FAM169A: variants seen among roughly 807,000 people sequenced by gnomAD.
The protein encoded by FAM169A is soluble lamin-associated protein of 75 kDa.
In FAM169A, 24 loss-of-function variants were observed where a neutral mutation model predicts 75.7. The observed-to-expected ratio is 0.32, with a 90% CI of 0.23 to 0.45. FAM169A has a LOEUF of 0.45. Among genes scored for constraint, FAM169A ranks in the 20% least tolerant of loss-of-function variants. The pLI, the probability that FAM169A is intolerant of heterozygous loss-of-function variation, is 1.00. For synonymous variants in FAM169A, 271 were observed against 271.0 expected, an observed-to-expected ratio of 1.00 and a Z score of 0.00; for missense variants, 673 against 784.0, an observed-to-expected ratio of 0.86 and a Z score of 1.69.
intron 11 of FAM169A, among the ~76,000 whole-genome samples, chr5:74,783,468 A>G (rs375705342): frequency 6.6e-6 from 1 of 152,202 alleles, no homozygotes; most frequent in East Asian, 1.9e-4. Context: ...GAGGGCAATC[A>G]GGGAAAGAAC....
At chr5:74,835,677 CTAATTAGTTCAGTGGATAGAG>C (rs1307685385) in intron 4 of FAM169A, among the ~76,000 whole-genome samples, 1 of 150,414 alleles carries the variant, frequency 6.6e-6, no homozygotes, top group Non-Finnish European at 1.5e-5. Flanking sequence ...AGTTCAGGCT[CTAATTAGTTCAGTGGATAGAG>C]AAAAGATTGA....
At chr5:74,821,183 G>C (rs530048528) in intron 5 of FAM169A, among the ~76,000 whole-genome samples, 3 of 152,314 alleles carry the variant, frequency 2.0e-5, no homozygotes, top group African/African-American at 7.2e-5. Flanking sequence ...TAAGAGGACA[G>C]AGCTTATAAA....
chr5:74,787,663 C>T (rs1745763097), intron 11 of FAM169A, among the ~76,000 whole-genome samples: 1 of 152,158 alleles, frequency 6.6e-6, no homozygotes, highest in Admixed American at 6.5e-5. Context: ...CAAGTGGGAG[C>T]ACTCAACCAT....
Position 74,839,131 on chromosome 5 carries a change from G to C in FAM169A, c.233-81C>G, listed in dbSNP as rs187148316. On this transcript the variant is annotated intron_variant, in intron 3 of 12. Transcript: ENST00000687041. Reference sequence around the variant, plus strand: ...TAATAAGGCCATATTGTACTATAAAGTATCCATATACTTTATATTTAAGAG... The same window carrying C: ...TAATAAGGCCATATTGTACTATAAACTATCCATATACTTTATATTTAAGAG... 1.5e-3 allele frequency: 1,377 copies of C among 947,490 alleles called. 16 individuals carry two copies. The African/African-American group carries it at 0.02, about 13-fold the overall frequency. 58.7% of individuals were successfully genotyped at this position (947,490 alleles called of 1,614,324 possible).
chr5:74,805,088 G>A (rs528193124), intron 7 of FAM169A, 68 bp downstream of exon 7: 3 of 1,382,196 alleles, frequency 2.2e-6, no homozygotes, highest in Admixed American at 1.7e-5. Context: ...CTGGACTTAT[G>A]GGCCAGCAAG....
At chr5:74,837,874 T>G (rs1184486524) in intron 4 of FAM169A, among the ~76,000 whole-genome samples, 2 of 152,078 alleles carry the variant, frequency 1.3e-5, no homozygotes, top group Non-Finnish European at 2.9e-5. Context: ...TCCTAGCACT[T>G]TGGGAGGCTG....
rs190857441 is a variant in FAM169A at position 74,831,948 on chromosome 5, T to C, written c.490+2478A>G. 2.0e-3 allele frequency among the ~76,000 whole-genome samples: 307 copies of C among 152,242 alleles called. 1 individual carries two copies. Among genetic ancestry groups the C allele is most frequent in the Middle Eastern group, 6.8e-3 (2 of 292 alleles). On this transcript the variant is annotated intron_variant, in intron 5 of 12. Coordinates refer to ENST00000687041, the MANE Select transcript of FAM169A (RefSeq NM_001376049.1). ...AATGTTCTTTTTCAAAAATATTTGA[T>C]GAAAGAATCAATTACGTTAAGTAAA...
rs374078379 is a variant in FAM169A at position 74,800,842 on chromosome 5, A to G, written c.1103+38T>C. On this transcript the variant is annotated intron_variant, in intron 10 of 12. Transcript: ENST00000687041. ...AAAAGTATAAACAAAAAATAAAAGT[A>G]CAAATAAAAAATGAGAGTAAAATCA... 3 of 1,211,710 alleles carry G rather than the reference A, an allele frequency of 2.5e-6. No individual in the cohort carries two copies. In the African/African-American group the frequency reaches 4.7e-5, roughly 19 times the overall value. 75.1% of individuals were successfully genotyped at this position (1,211,710 alleles called of 1,614,324 possible).
At chr5:74,862,186 T>C (rs1750071337) in intron 1 of FAM169A, among the ~76,000 whole-genome samples, 1 of 152,222 alleles carries the variant, frequency 6.6e-6, no homozygotes, top group African/African-American at 2.4e-5. Context: ...TAAACTGCTA[T>C]TGGAATGCTC....
chr5:74,814,681 G>T (rs772666147), intron 5 of FAM169A, among the ~76,000 whole-genome samples: 1 of 152,072 alleles, frequency 6.6e-6, no homozygotes, highest in African/African-American at 2.4e-5. Flanking sequence ...AAAATTTGTA[G>T]TTTCTATATA....
At chr5:74,848,541 A>T (rs1373412205) in intron 1 of FAM169A, 1 of 152,216 alleles carries the variant, frequency 6.6e-6, no homozygotes, top group Non-Finnish European at 1.5e-5. Flanking sequence ...ATATTACACG[A>T]GAAAGAGCAC....
intron 11 of FAM169A, among the ~76,000 whole-genome samples, chr5:74,789,166 C>T (rs1390609530): frequency 6.6e-6 from 1 of 152,208 alleles, no homozygotes; most frequent in Admixed American, 6.5e-5. Context: ...TTCACTTCCA[C>T]AAGTTATCAC....
At chr5:74,854,743 T>C (rs1188954455) in intron 1 of FAM169A, among the ~76,000 whole-genome samples, 1 of 152,230 alleles carries the variant, frequency 6.6e-6, no homozygotes, top group Non-Finnish European at 1.5e-5. Flanking sequence ...TTACTTAACA[T>C]AATGATCTCA....
chr5:74,800,149 T>C (rs1233775144), intron 10 of FAM169A: 2 of 462,026 alleles, frequency 4.3e-6, no homozygotes, highest in Non-Finnish European at 8.1e-6. Context: ...GCACGATGGC[T>C]AGGAAGCCAG....
chr5:74,809,857 A>C (rs1290870373), intron 6 of FAM169A, among the ~76,000 whole-genome samples: 4 of 152,230 alleles, frequency 2.6e-5, no homozygotes, highest in Non-Finnish European at 5.9e-5. Flanking sequence ...GAGTACACAG[A>C]GCAACCAGAA....
intron 9 of FAM169A, 139 bp downstream of exon 9, chr5:74,801,451 C>A (rs1037056891): frequency 1.8e-5 from 13 of 715,756 alleles, no homozygotes; most frequent in Non-Finnish European, 2.9e-5. Context: ...GCATGAGAAC[C>A]CAGATCTAGA....
chr5:74,804,504 T>A lies in FAM169A; in HGVS notation c.901A>T (p.Met301Leu), dbSNP rs760779464. 49 of 1,582,334 alleles carry A rather than the reference T, an allele frequency of 3.1e-5. No homozygotes were observed. The highest frequency in any genetic ancestry group is 4.1e-5 in the Non-Finnish European group (47 of 1,157,260). The change falls in exon 8 of 13, where the codon ATG (methionine) becomes TTG (leucine). Residue 301 changes from methionine to leucine, a missense_variant. Transcript: ENST00000687041. Reference protein sequence around the residue: ...ARTEDNQSSEMQLTIDSLKDA... With the variant: ...ARTEDNQSSELQLTIDSLKDA... Reference sequence around the variant, plus strand: ...GACAGTGTACCTACAGTTAGCTGCATCTCACTAGACTGATTGTCTTCAGTT... The same window carrying A: ...GACAGTGTACCTACAGTTAGCTGCAACTCACTAGACTGATTGTCTTCAGTT...
intron 6 of FAM169A, among the ~76,000 whole-genome samples, chr5:74,807,353 A>C (rs1369766012): frequency 6.6e-6 from 1 of 152,186 alleles, no homozygotes; most frequent in African/African-American, 2.4e-5. Flanking sequence ...TGAATACAGT[A>C]CTCTGTAGAG....
chr5:74,786,946 T>G (rs1257154783), intron 11 of FAM169A, among the ~76,000 whole-genome samples: 3 of 152,126 alleles, frequency 2.0e-5, no homozygotes, highest in Non-Finnish European at 2.9e-5. Context: ...CTGATGAGAC[T>G]TTTTGCCAGA....
Sources: allele counts gnomAD v4.1 joint callset (sites outside exome capture counted in the v4.1 genomes callset), GRCh38; gene constraint gnomAD v4.1.1; transcripts MANE v1.5; gene names NCBI Gene and HGNC (gene_info 2026-07-23, HGNC 2026-07-21).